The following CAMSAP1 variants were observed in gnomAD, a reference collection of about 807,000 sequenced individuals.
The protein encoded by CAMSAP1 is calmodulin regulated spectrin associated protein 1.
In CAMSAP1, 58 loss-of-function variants were observed where a neutral mutation model predicts 143.5. The observed-to-expected ratio is 0.40, with a 90% CI of 0.33 to 0.50. The LOEUF is 0.50. CAMSAP1 is among the 20% of genes least tolerant of loss of function. CAMSAP1 has a pLI of 0.45. For missense variants in CAMSAP1, 1,969 were observed against 2,115.7 expected (o/e 0.93, Z 1.36); for synonymous variants, 945 against 859.3 (o/e 1.10, Z -1.74).
chr9:135,818,953 G>C lies in CAMSAP1; in HGVS notation c.3959+57C>G. On this transcript the variant is annotated intron_variant, in intron 12 of 16. Coordinates refer to ENST00000389532, the MANE Select transcript of CAMSAP1 (RefSeq NM_015447.4). The surrounding 1 kb of genome is among the most constrained non-coding windows in gnomAD (Gnocchi z 7.7). ...CAGTGCCAGCAACGGGACCGGGGCCGCCAGGGACCCACCAGGCTCCTGCTC... is the reference window on the plus strand; with the variant it reads ...CAGTGCCAGCAACGGGACCGGGGCCCCCAGGGACCCACCAGGCTCCTGCTC... The C allele has an allele frequency of 6.3e-7, 1 of 1,581,552 alleles. No homozygotes were observed. Among genetic ancestry groups the C allele is most frequent in the Non-Finnish European group, 8.5e-7 (1 of 1,170,968 alleles).
chr9:135,823,649 T>C (rs1588447399), intron 10 of CAMSAP1, among the ~76,000 whole-genome samples: 1 of 152,186 alleles, frequency 6.6e-6, no homozygotes, highest in East Asian at 1.9e-4. Flanking sequence ...TTCCTAGTGT[T>C]AAGGGCAGGC....
chr9:135,901,070 T>A (rs539540503), intron 1 of CAMSAP1, among the ~76,000 whole-genome samples: 2 of 152,122 alleles, frequency 1.3e-5, no homozygotes, highest in Non-Finnish European at 2.9e-5. Flanking sequence ...ATCTTTTCTG[T>A]AGTGACAACA....
chr9:135,895,897 A>G (rs2131017092), intron 1 of CAMSAP1, among the ~76,000 whole-genome samples: 1 of 152,344 alleles, frequency 6.6e-6, no homozygotes, highest in South Asian at 2.1e-4. Flanking sequence ...TACACCCAAA[A>G]ACAATATAAA....
chr9:135,845,436 A>G (rs1836517200), intron 7 of CAMSAP1, among the ~76,000 whole-genome samples: 1 of 152,222 alleles, frequency 6.6e-6, no homozygotes, highest in African/African-American at 2.4e-5. Context: ...AGCTGGAAGT[A>G]TTCCCTTTGA....
chr9:135,880,521 T>C (rs1356283061), intron 3 of CAMSAP1, among the ~76,000 whole-genome samples: 1 of 151,974 alleles, frequency 6.6e-6, no homozygotes, highest in Non-Finnish European at 1.5e-5. Context: ...CAAGCTTGGG[T>C]AGGAAAACAG....
rs372360260 is a variant in CAMSAP1 at position 135,855,909 on chromosome 9, G to A, written c.809-5448C>T. 1.1e-3 allele frequency among the ~76,000 whole-genome samples: 171 copies of A among 152,066 alleles called. No homozygotes were observed. The East Asian group carries it at 0.015, about 13-fold the overall frequency. ...CTACTAAAAATACAAAAAATTAGCC[G>A]GGCGCGGTGGCGGGCGCCTGTGGTC... On this transcript the variant is annotated intron_variant, in intron 5 of 16. Transcript: ENST00000389532.
intron 2 of CAMSAP1, 55 bp from the exon 3 acceptor site, chr9:135,881,849 C>CTGA (rs1837965874): frequency 6.5e-7 from 1 of 1,538,748 alleles, no homozygotes; most frequent in South Asian, 1.2e-5. Flanking sequence ...TTACCAGGTT[C>CTGA]TGATGCAGGG....
intron 7 of CAMSAP1, among the ~76,000 whole-genome samples, chr9:135,833,866 C>T (rs753085603): frequency 7.2e-5 from 11 of 152,160 alleles, no homozygotes; most frequent in Admixed American, 2.0e-4. Flanking sequence ...ACAAACAAAA[C>T]GAGATGGCAG....
rs755339583 is a variant in CAMSAP1 at position 135,901,972 on chromosome 9, C to T, written c.160+5028G>A. 9.2e-5 allele frequency among the ~76,000 whole-genome samples: 14 copies of T among 152,236 alleles called. 1 individual carries two copies. The highest frequency in any genetic ancestry group is 1.9e-4 in the Non-Finnish European group (13 of 68,038). On this transcript the variant is annotated intron_variant, in intron 1 of 16. Coordinates refer to ENST00000389532, the MANE Select transcript of CAMSAP1 (RefSeq NM_015447.4). ...GTAGCCAGCTGCCCTCCCCTCTGCT[C>T]TTAGGGGCTAACCATTCAACAAGTA...
chr9:135,851,483 A>C (rs1836781759), intron 5 of CAMSAP1, among the ~76,000 whole-genome samples: 1 of 152,210 alleles, frequency 6.6e-6, no homozygotes, highest in African/African-American at 2.4e-5. Context: ...TCAAATGTTA[A>C]CGTCTTATAG....
rs1835682275 is a variant in CAMSAP1 at position 135,826,627 on chromosome 9, A to C, written c.1223+780T>G. Among the ~76,000 whole-genome samples the C allele has an allele frequency of 6.6e-6, 1 of 152,220 alleles. No homozygotes were observed. Among genetic ancestry groups the C allele is most frequent in the African/African-American group, 2.4e-5 (1 of 41,446 alleles). ...TGCTGTCTCACTGAACCATTCACTTATGTGAATTATTTAAAACCACTTTTA... is the reference window on the plus strand; with the variant it reads ...TGCTGTCTCACTGAACCATTCACTTCTGTGAATTATTTAAAACCACTTTTA... On this transcript the variant is annotated intron_variant, in intron 8 of 16. Transcript: ENST00000389532. The surrounding 1 kb of genome is among the most constrained non-coding windows in gnomAD (Gnocchi z 4.4).
At chr9:135,903,449 G>T (rs1339985174) in intron 1 of CAMSAP1, among the ~76,000 whole-genome samples, 3 of 152,208 alleles carry the variant, frequency 2.0e-5, no homozygotes, top group South Asian at 2.1e-4. Flanking sequence ...CCCCAGGAAC[G>T]AATGAAACTG....
intron 1 of CAMSAP1, among the ~76,000 whole-genome samples, chr9:135,904,941 G>T (rs1292346237): frequency 6.6e-6 from 1 of 151,308 alleles, no homozygotes; most frequent in African/African-American, 2.4e-5. Flanking sequence ...CTCCAGGCTG[G>T]ACGATAGAGC....
chr9:135,861,876 C>A (rs1837204791), intron 5 of CAMSAP1, among the ~76,000 whole-genome samples: 1 of 152,208 alleles, frequency 6.6e-6, no homozygotes, highest in African/African-American at 2.4e-5. Context: ...TGGTGACAGT[C>A]ACTCTCTCTC....
At chr9:135,881,575 G>A (rs952131223) in intron 3 of CAMSAP1, 58 bp downstream of exon 3, 3 of 1,539,024 alleles carry the variant, frequency 1.9e-6, no homozygotes, top group African/African-American at 2.7e-5. Flanking sequence ...GCTCTCAAGT[G>A]AAAAGGAGAC....
chr9:135,844,409 CAA>C (rs1404780469), intron 7 of CAMSAP1, among the ~76,000 whole-genome samples: 1 of 152,120 alleles, frequency 6.6e-6, no homozygotes. Context: ...CAAATGGGAA[CAA>C]AGAGGTAATG....
chr9:135,819,272 T>G (rs1835354173), intron 11 of CAMSAP1, 126 bp from the exon 12 acceptor site: 1 of 1,278,172 alleles, frequency 7.8e-7, no homozygotes, highest in African/African-American at 1.5e-5. Context: ...CTTCTATGCT[T>G]TTCTCTAACC....
chr9:135,816,082 C>T (rs538629814), intron 14 of CAMSAP1, 77 bp from the exon 15 acceptor site: 65 of 1,345,766 alleles, frequency 4.8e-5, no homozygotes, highest in African/African-American at 3.3e-4. Flanking sequence ...GGGGCTGGCC[C>T]GCAACCAGGA....
chr9:135,826,537 T>C lies in CAMSAP1; in HGVS notation c.1223+870A>G, dbSNP rs928564562. The C allele has an allele frequency of 6.6e-6, 1 of 152,274 alleles. No individual in the cohort carries two copies. Among genetic ancestry groups the C allele is most frequent in the African/African-American group, 2.4e-5 (1 of 41,204 alleles). 9.4% of individuals were successfully genotyped at this position (152,274 alleles called of 1,614,324 possible). A position where few individuals can be genotyped will look rare whatever the true frequency, so the allele number is the denominator to read the frequency against. On this transcript the variant is annotated intron_variant, in intron 8 of 16. Coordinates refer to ENST00000389532, the MANE Select transcript of CAMSAP1 (RefSeq NM_015447.4). The surrounding 1 kb of genome is among the most constrained non-coding windows in gnomAD (Gnocchi z 4.4). ...TCCGGCAGCCCCCGCATCCCATCCC[T>C]CAACATGGTCACCGGTTTTAGCTCC...
Sources: allele counts gnomAD v4.1 joint callset (sites outside exome capture counted in the v4.1 genomes callset), GRCh38; gene constraint gnomAD v4.1.1; non-coding constraint Gnocchi (gnomAD v3.1); transcripts MANE v1.5; gene names NCBI Gene and HGNC (gene_info 2026-07-23, HGNC 2026-07-21).